The following FAM168A variants were observed in gnomAD, a reference collection of about 807,000 sequenced individuals.
The protein encoded by FAM168A is family with sequence similarity 168 member A, also known as protein FAM168A.
FAM168A carries 3 observed loss-of-function variants against 28.5 expected under a neutral mutation model. That is an observed-to-expected ratio of 0.11 (90% confidence interval 0.05 to 0.27). FAM168A has a LOEUF of 0.27. Among genes scored for constraint, FAM168A ranks in the 10% least tolerant of loss-of-function variants. FAM168A has a pLI of 1.00. For missense variants in FAM168A, 222 were observed against 311.5 expected (o/e 0.71, Z 2.16); for synonymous variants, 122 against 124.2 (o/e 0.98, Z 0.12).
intron 4 of FAM168A, among the ~76,000 whole-genome samples, chr11:73,414,441 AG>A (rs1361966917): frequency 6.6e-6 from 1 of 152,170 alleles, no homozygotes; most frequent in Non-Finnish European, 1.5e-5. Flanking sequence ...TTTTCTATGC[AG>A]GAGAGTAGGA....
intron 1 of FAM168A, among the ~76,000 whole-genome samples, chr11:73,580,986 T>C (rs1057191774): frequency 6.6e-6 from 1 of 152,260 alleles, no homozygotes; most frequent in Non-Finnish European, 1.5e-5. Context: ...GCCACTGAGA[T>C]GGCACCTGTC....
At chr11:73,561,474 T>C (rs1309601076) in intron 1 of FAM168A, among the ~76,000 whole-genome samples, 3 of 152,080 alleles carry the variant, frequency 2.0e-5, no homozygotes, top group Admixed American at 6.6e-5. Context: ...TATATATATA[T>C]ATATTATTCT....
chr11:73,534,181 C>A (rs1943548202), intron 1 of FAM168A, among the ~76,000 whole-genome samples: 1 of 151,936 alleles, frequency 6.6e-6, no homozygotes, highest in Non-Finnish European at 1.5e-5. Context: ...AGTGTAAAAC[C>A]ATAAAAACAA....
At chr11:73,541,964 T>C (rs758246924) in intron 1 of FAM168A, among the ~76,000 whole-genome samples, 3 of 152,216 alleles carry the variant, frequency 2.0e-5, no homozygotes, top group African/African-American at 4.8e-5. Flanking sequence ...ATGATCACAC[T>C]AGGAGACTTG....
chr11:73,505,742 CTTGGT>C (rs1855104726), intron 1 of FAM168A, among the ~76,000 whole-genome samples: 2 of 152,130 alleles, frequency 1.3e-5, no homozygotes, highest in Non-Finnish European at 2.9e-5. Flanking sequence ...TTGTGAAGTA[CTTGGT>C]GTACTTCACC....
intron 1 of FAM168A, among the ~76,000 whole-genome samples, chr11:73,544,920 TA>T (rs1943715334): frequency 1.0e-5 from 1 of 95,570 alleles, no homozygotes; most frequent in African/African-American, 4.8e-5. Flanking sequence ...ATATATTATA[TA>T]TAATATAAAA....
intron 1 of FAM168A, among the ~76,000 whole-genome samples, chr11:73,473,059 C>A (rs1417532695): frequency 6.6e-6 from 1 of 152,132 alleles, no homozygotes; most frequent in Non-Finnish European, 1.5e-5. Context: ...ACCCCTACTA[C>A]CAGCAGCTAC....
intron 2 of FAM168A, among the ~76,000 whole-genome samples, chr11:73,465,785 C>T (rs1266892755): frequency 6.6e-6 from 1 of 152,120 alleles, no homozygotes; most frequent in Non-Finnish European, 1.5e-5. Context: ...ATAGTCTATG[C>T]TTAAACATTT....
rs1193803135 is a variant in FAM168A at position 73,402,021 on chromosome 11, C to G, written c.*4742G>C. On this transcript the variant is annotated 3_prime_UTR_variant, in exon 8 of 8. Transcript: ENST00000356467. ...ATGCCTGCCTGTGCGCTCAGAGGCT[C>G]CGGTGTGGAATCCCATCAGTTAGTC... 1.3e-5 allele frequency: 2 copies of G among 152,436 alleles called. No individual in the cohort carries two copies. The highest frequency in any genetic ancestry group is 2.1e-4 in the South Asian group (1 of 4,834). The allele number at this position is 152,436 out of a possible 1,614,324, so 9.4% of individuals were successfully genotyped here.
chr11:73,444,473 A>G (rs1293002146), intron 2 of FAM168A, among the ~76,000 whole-genome samples: 1 of 152,240 alleles, frequency 6.6e-6, no homozygotes, highest in Non-Finnish European at 1.5e-5. Context: ...GGCTTTTTGT[A>G]GAAACAGTAA....
At chr11:73,441,120 G>C (rs192518862) in intron 2 of FAM168A, among the ~76,000 whole-genome samples, 1 of 150,824 alleles carries the variant, frequency 6.6e-6, no homozygotes, top group African/African-American at 2.4e-5. Context: ...GTGCAGTGGC[G>C]CTATCTCAGT....
chr11:73,465,406 G>C (rs1590797302), intron 2 of FAM168A, among the ~76,000 whole-genome samples: 1 of 152,088 alleles, frequency 6.6e-6, no homozygotes, highest in African/African-American at 2.4e-5. Context: ...TCTATAAACA[G>C]CCCACTGTCA....
At chr11:73,589,858 C>T (rs542381680) in intron 1 of FAM168A, among the ~76,000 whole-genome samples, 7 of 151,740 alleles carry the variant, frequency 4.6e-5, no homozygotes, top group South Asian at 2.1e-4. Flanking sequence ...ACCCAGGAGG[C>T]GGAGGTTGCA....
intron 1 of FAM168A, among the ~76,000 whole-genome samples, chr11:73,474,996 G>A (rs1867869382): frequency 6.6e-6 from 1 of 152,178 alleles, no homozygotes; most frequent in Non-Finnish European, 1.5e-5. Context: ...ACATGTGAGA[G>A]AGAAAAGAGA....
intron 1 of FAM168A, among the ~76,000 whole-genome samples, chr11:73,476,178 A>T (rs1465652484): frequency 2.6e-5 from 4 of 152,192 alleles, no homozygotes; most frequent in African/African-American, 9.7e-5. Context: ...TGAATTTTGA[A>T]TGCATTCCCC....
intron 1 of FAM168A, among the ~76,000 whole-genome samples, chr11:73,472,168 A>G (rs1196745170): frequency 1.3e-5 from 2 of 152,118 alleles, no homozygotes; most frequent in Non-Finnish European, 2.9e-5. Flanking sequence ...CGCTCCTGTA[A>G]AGAAATCCAC....
At chr11:73,477,758 A>G (rs1316283616) in intron 1 of FAM168A, among the ~76,000 whole-genome samples, 1 of 152,200 alleles carries the variant, frequency 6.6e-6, no homozygotes, top group East Asian at 1.9e-4. Context: ...CTGAAGTCAA[A>G]ATAAACACAT....
intron 1 of FAM168A, among the ~76,000 whole-genome samples, chr11:73,519,581 A>T (rs78229183): frequency 0.083 from 12,563 of 152,220 alleles, 1,577 homozygotes; most frequent in African/African-American, 0.27. Context: ...GGCAGTGACA[A>T]TTAAACAAGC....
chr11:73,554,927 C>T (rs774258971), intron 1 of FAM168A, among the ~76,000 whole-genome samples: 1 of 152,130 alleles, frequency 6.6e-6, no homozygotes, highest in Admixed American at 6.6e-5. Context: ...ATAAGTTCCT[C>T]AAGATCATGG....
Sources: allele counts gnomAD v4.1 joint callset (sites outside exome capture counted in the v4.1 genomes callset), GRCh38; gene constraint gnomAD v4.1.1; transcripts MANE v1.5; gene names NCBI Gene and HGNC (gene_info 2026-07-23, HGNC 2026-07-21).